The following LANCL2 variants were observed in gnomAD, a reference collection of about 807,000 sequenced individuals.
LANCL2 encodes the protein lanC-like protein 2.
A neutral mutation model predicts 56.9 loss-of-function variants in LANCL2; 33 were observed. That is an observed-to-expected ratio of 0.58 (90% CI 0.44 to 0.78). The LOEUF (loss-of-function observed/expected upper bound fraction) is 0.78. LANCL2 is among the 30% of genes least tolerant of loss of function. The pLI is 0.00. For missense variants in LANCL2, 562 were observed against 580.2 expected (o/e 0.97, Z 0.32); for synonymous variants, 233 against 228.2 (o/e 1.02, Z -0.19).
chr7:55,412,668 CTAAGATTTATCATT>C (rs979752217), intron 6 of LANCL2, among the ~76,000 whole-genome samples: 28 of 152,190 alleles, frequency 1.8e-4, no homozygotes, highest in Non-Finnish European at 3.5e-4. Context: ...CTGTCCTGGA[CTAAGATTTATCATT>C]TAAGATTTAT....
rs1790282857 is a variant in LANCL2 at position 55,398,537 on chromosome 7, C to T, written c.437C>T (p.Thr146Ile). The T allele has an allele frequency of 6.2e-7, 1 of 1,614,076 alleles. No homozygotes were observed. The highest frequency in any genetic ancestry group is 1.7e-5 in the Admixed American group (1 of 60,014). Reference sequence around the variant, plus strand: ...CGGAATCTGAATGGCCGCAGGGTCACCTTCCTCTGTGGGGATGCTGGCCCC... The same window carrying T: ...CGGAATCTGAATGGCCGCAGGGTCATCTTCCTCTGTGGGGATGCTGGCCCC... ...TLRNLNGRRV[T>I]FLCGDAGPLA... Residue 146 changes from threonine to isoleucine, a missense_variant, in exon 3 of 9, where the codon ACC (threonine) becomes ATC (isoleucine). Physicochemically the swap from Thr to Ile is moderately conservative, Grantham distance 89. Transcript: ENST00000254770.
Position 55,431,260 on chromosome 7 carries a change from C to T in LANCL2, c.1293C>T (p.Val431=), listed in dbSNP as rs190150971. The part of the protein sequence containing the change: ...MAGAIHFLSD[V]LGPETSRFPA... ...GCGCTATTCACTTTCTCTCTGATGTCCTGGGACCAGAGACATCACGGTTTC... is the reference window on the plus strand; with the variant it reads ...GCGCTATTCACTTTCTCTCTGATGTTCTGGGACCAGAGACATCACGGTTTC... Residue 431 remains valine (V), a synonymous_variant, in exon 9 of 9, where the codon GTC becomes GTT. Transcript: ENST00000254770. The T allele has an allele frequency of 2.4e-5, 38 of 1,613,838 alleles. No homozygotes were observed. In the African/African-American group the frequency reaches 4.4e-4, roughly 19 times the overall value.
Position 55,398,304 on chromosome 7 carries a change from A to G in LANCL2, c.323-119A>G, listed in dbSNP as rs1790279550. The G allele has an allele frequency of 1.1e-5, 8 of 708,808 alleles. No homozygotes were observed. In the South Asian group the frequency reaches 1.3e-4, roughly 11 times the overall value. The allele number at this position is 708,808 out of a possible 1,614,324, so 43.9% of individuals were successfully genotyped here. On this transcript the variant is annotated intron_variant, in intron 2 of 8. Transcript: ENST00000254770. ...ATATGAAATGTATTGTTTTGGTGTT[A>G]CCCGTTTGGAAACATAGATTTATGT...
rs1356998094 is a variant in LANCL2 at position 55,391,056 on chromosome 7, G to A, written c.205-737G>A. Among the ~76,000 whole-genome samples the A allele has an allele frequency of 1.4e-3, 182 of 130,664 alleles. 1 individual carries two copies. The highest frequency in any genetic ancestry group is 4.5e-3 in the African/African-American group (153 of 33,690). 85.7% of individuals were successfully genotyped at this position (130,664 alleles called of 152,430 possible). Reference sequence around the variant, plus strand: ...TTTTGAGATGGAGTCTCGCTCTGTCGCCCAGGCTGGAGTGCAGTGGTGCGA... The same window carrying A: ...TTTTGAGATGGAGTCTCGCTCTGTCACCCAGGCTGGAGTGCAGTGGTGCGA... On this transcript the variant is annotated intron_variant, in intron 1 of 8. Coordinates refer to ENST00000254770, the MANE Select transcript of LANCL2 (RefSeq NM_018697.4).
intron 1 of LANCL2, among the ~76,000 whole-genome samples, chr7:55,380,044 G>A (rs1790048866): frequency 2.0e-5 from 3 of 152,198 alleles, no homozygotes; most frequent in Admixed American, 2.0e-4. Context: ...CCATGGTTGA[G>A]TAGGAATTAT....
Position 55,394,490 on chromosome 7 carries a change from G to T in LANCL2, c.322+2580G>T, listed in dbSNP as rs185965872. 3.3e-5 allele frequency among the ~76,000 whole-genome samples: 5 copies of T among 152,294 alleles called. No individual in the cohort carries two copies. In the East Asian group the frequency reaches 9.7e-4, roughly 29 times the overall value. ...CAGGAGGATGGCTCAAGCCCAGGAGGTCGAGGCTGCAGTGAGCCATGATTA... is the reference window on the plus strand; with the variant it reads ...CAGGAGGATGGCTCAAGCCCAGGAGTTCGAGGCTGCAGTGAGCCATGATTA... On this transcript the variant is annotated intron_variant, in intron 2 of 8. Coordinates refer to ENST00000254770, the MANE Select transcript of LANCL2 (RefSeq NM_018697.4).
intron 2 of LANCL2, chr7:55,397,379 T>C (rs1790265877): frequency 6.6e-6 from 1 of 150,654 alleles, no homozygotes; most frequent in African/African-American, 2.5e-5. Context: ...GAGAATCACT[T>C]GAACCCGGGA....
chr7:55,421,339 C>CTTTTT (rs11416515), intron 6 of LANCL2, among the ~76,000 whole-genome samples: 1 of 104,648 alleles, frequency 9.6e-6, no homozygotes, highest in Non-Finnish European at 1.8e-5. Flanking sequence ...TCTGTTGACT[C>CTTTTT]TTTTTTTTTT....
At chr7:55,387,380 C>T (rs1169951629) in intron 1 of LANCL2, among the ~76,000 whole-genome samples, 4 of 152,136 alleles carry the variant, frequency 2.6e-5, no homozygotes, top group African/African-American at 9.7e-5. Flanking sequence ...GCCACAATAA[C>T]AGAACTGGTG....
chr7:55,408,433 G>A (rs183706379), intron 5 of LANCL2, among the ~76,000 whole-genome samples: 7 of 152,138 alleles, frequency 4.6e-5, no homozygotes, highest in East Asian at 3.9e-4. Flanking sequence ...TTGGGAGGCC[G>A]AGGTGGGCGG....
intron 4 of LANCL2, among the ~76,000 whole-genome samples, chr7:55,400,521 G>A (rs1790309487): frequency 1.3e-5 from 2 of 152,184 alleles, no homozygotes; most frequent in East Asian, 3.9e-4. Context: ...AGGAGGTGGA[G>A]GCAACGCAGC....
At chr7:55,391,331 T>C (rs1298055241) in intron 1 of LANCL2, among the ~76,000 whole-genome samples, 1 of 152,214 alleles carries the variant, frequency 6.6e-6, no homozygotes, top group Non-Finnish European at 1.5e-5. Context: ...ACTTTTTTTG[T>C]GTATGCTTAT....
chr7:55,426,737 C>A (rs1340040521), intron 7 of LANCL2, among the ~76,000 whole-genome samples: 1 of 152,176 alleles, frequency 6.6e-6, no homozygotes, highest in East Asian at 1.9e-4. Flanking sequence ...AACTGCTGTT[C>A]CAAAGGCCCG....
At position 55,391,804 on chromosome 7, in the gene LANCL2, T is replaced by C; in HGVS notation, c.216T>C (p.Asn72=). 1 of 1,588,002 alleles carries C rather than the reference T, an allele frequency of 6.3e-7. No homozygotes were observed. The highest frequency in any genetic ancestry group is 8.6e-7 in the Non-Finnish European group (1 of 1,156,908). The change falls in exon 2 of 9, where the codon AAT becomes AAC. Residue 72 remains asparagine (N), a synonymous_variant. Transcript: ENST00000254770. The part of the protein sequence containing the change: ...PFHQDGKIIH[N]FIRRIQTKIK... ...CTTTTGGATCTCAGATCATTCATAA[T>C]TTCATAAGACGGATCCAGACCAAAA...
At chr7:55,395,314 A>C (rs1790237862) in intron 2 of LANCL2, among the ~76,000 whole-genome samples, 1 of 152,222 alleles carries the variant, frequency 6.6e-6, no homozygotes, top group African/African-American at 2.4e-5. Flanking sequence ...AAAAATTGGC[A>C]GTACTTTCAA....
At chr7:55,414,993 AAAAAAAAAG>A (rs998792423) in intron 6 of LANCL2, among the ~76,000 whole-genome samples, 17 of 145,924 alleles carry the variant, frequency 1.2e-4, no homozygotes, top group East Asian at 3.9e-4. Flanking sequence ...CAAAAAAAAA[AAAAAAAAAG>A]AAAAGAAAAG....
Position 55,383,399 on chromosome 7 carries a change from G to C in LANCL2, c.205-8394G>C, listed in dbSNP as rs140670781. Among the ~76,000 whole-genome samples the C allele has an allele frequency of 4.1e-4, 62 of 152,240 alleles. No homozygotes were observed. The Middle Eastern group carries it at 0.014, about 33-fold the overall frequency. On this transcript the variant is annotated intron_variant, in intron 1 of 8. Coordinates refer to ENST00000254770, the MANE Select transcript of LANCL2 (RefSeq NM_018697.4). Reference sequence around the variant, plus strand: ...TACATAGGGCCCAGGGGATTGGTTTGACCATGTATGTCATTCACATAGCCC... The same window carrying C: ...TACATAGGGCCCAGGGGATTGGTTTCACCATGTATGTCATTCACATAGCCC...
chr7:55,405,490 CTTTTT>C (rs35842812), intron 5 of LANCL2, among the ~76,000 whole-genome samples: 5 of 123,322 alleles, frequency 4.1e-5, no homozygotes, highest in Admixed American at 1.6e-4. Flanking sequence ...GGTTCAGGAA[CTTTTT>C]TTTTTTTTTT....
At chr7:55,367,396 C>T (rs1789887485) in intron 1 of LANCL2, among the ~76,000 whole-genome samples, 1 of 152,226 alleles carries the variant, frequency 6.6e-6, no homozygotes, top group African/African-American at 2.4e-5. Flanking sequence ...AGGCAAGTGA[C>T]TTCTGTAAAC....
Sources: allele counts gnomAD v4.1 joint callset (sites outside exome capture counted in the v4.1 genomes callset), GRCh38; gene constraint gnomAD v4.1.1; transcripts MANE v1.5; gene names NCBI Gene and HGNC (gene_info 2026-07-23, HGNC 2026-07-21).